KIAA1549: variants seen among roughly 807,000 people sequenced by gnomAD.
The protein encoded by KIAA1549 is UPF0606 protein KIAA1549.
KIAA1549 carries 70 observed loss-of-function variants against 156.4 expected under a neutral mutation model. The ratio of observed to expected loss-of-function variants is 0.45; its 90% CI spans 0.37 to 0.55. The LOEUF is 0.55. KIAA1549 is among the 20% of genes least tolerant of loss of function. The probability of loss-of-function intolerance (pLI) is 0.00; values close to 1 mark genes in which losing one functional copy is unlikely to be tolerated. For missense variants in KIAA1549, 2,428 were observed against 2,540.9 expected (o/e 0.96, Z 0.96); for synonymous variants, 1,103 against 1,066.4 (o/e 1.03, Z -0.67).
intron 17 of KIAA1549, among the ~76,000 whole-genome samples, chr7:138,849,066 C>T (rs539424412): frequency 9.0e-4 from 137 of 152,238 alleles, no homozygotes; most frequent in African/African-American, 3.2e-3. Context: ...TTCATAAAAT[C>T]TCCTTTTTAA....
At chr7:138,844,148 GCTCCGCCTCTCT>G (rs768270884) in intron 18 of KIAA1549, among the ~76,000 whole-genome samples, 157 bp downstream of exon 18, 217 of 152,290 alleles carry the variant, frequency 1.4e-3, no homozygotes, top group Non-Finnish European at 2.5e-3. Context: ...AGCTTTGGGA[GCTCCGCCTCTCT>G]CTCCGCCTCC....
In KIAA1549 at chr7:138,840,382, C is replaced by T. The variant is rs980516440; in HGVS notation, c.5453-104G>A. 10 of 993,558 alleles carry T rather than the reference C, an allele frequency of 1.0e-5. No homozygotes were observed. The South Asian group carries it at 1.6e-4, about 15-fold the overall frequency. 61.5% of individuals were successfully genotyped at this position (993,558 alleles called of 1,614,324 possible). A position where few individuals can be genotyped will look rare whatever the true frequency, so the allele number is the denominator to read the frequency against. On this transcript the variant is annotated intron_variant, in intron 18 of 19. Coordinates refer to ENST00000422774, the MANE Select transcript of KIAA1549 (RefSeq NM_001164665.2). ...ACTGTCAACTCTGACCACTACACTC[C>T]TTAATGACAAGGGATCAGGACTTGG...
intron 1 of KIAA1549, among the ~76,000 whole-genome samples, chr7:138,933,692 G>A (rs139624406): frequency 5.9e-5 from 9 of 152,358 alleles, no homozygotes; most frequent in South Asian, 2.1e-4. Context: ...TAGACCAGGC[G>A]CAGTGGCTCA....
At chr7:138,925,549 G>C (rs1812687559) in intron 1 of KIAA1549, among the ~76,000 whole-genome samples, 1 of 152,140 alleles carries the variant, frequency 6.6e-6, no homozygotes, top group African/African-American at 2.4e-5. Context: ...CCAGGTGCTA[G>C]TGGCTCACCG....
At chr7:138,914,502 G>A (rs866728266) in intron 2 of KIAA1549, among the ~76,000 whole-genome samples, 2 of 152,236 alleles carry the variant, frequency 1.3e-5, no homozygotes, top group Middle Eastern at 3.4e-3. Flanking sequence ...GAGTGGCTCC[G>A]CTTCATCATC....
intron 1 of KIAA1549, among the ~76,000 whole-genome samples, chr7:138,977,765 T>C (rs576659022): frequency 1.3e-5 from 2 of 152,002 alleles, no homozygotes; most frequent in Non-Finnish European, 2.9e-5. Context: ...AATGGCGCCA[T>C]CTCGGCTCAC....
chr7:138,891,890 C>A lies in KIAA1549; in HGVS notation c.4032+2452G>T, dbSNP rs181449510. 2.0e-5 allele frequency among the ~76,000 whole-genome samples: 3 copies of A among 152,262 alleles called. No individual in the cohort carries two copies. The East Asian group carries it at 5.8e-4, about 29-fold the overall frequency. ...TGGCCACATGACCTTAAAAGAAACA[C>A]GTATGAACTAAAGACATTTGTTTTT... On this transcript the variant is annotated intron_variant, in intron 10 of 19. Transcript: ENST00000422774.
At chr7:138,922,096 G>A (rs932506361) in intron 1 of KIAA1549, among the ~76,000 whole-genome samples, 1 of 152,180 alleles carries the variant, frequency 6.6e-6, no homozygotes, top group African/African-American at 2.4e-5. Context: ...CCAGAACGGT[G>A]AGACAATCAA....
chr7:138,851,112 T>A (rs1272901665), intron 17 of KIAA1549, among the ~76,000 whole-genome samples: 17 of 152,200 alleles, frequency 1.1e-4, no homozygotes, highest in Admixed American at 6.5e-4. Flanking sequence ...ATACATTTTT[T>A]AAAAATCAAA....
At chr7:138,922,897 T>C (rs748587122) in intron 1 of KIAA1549, among the ~76,000 whole-genome samples, 11 of 151,744 alleles carry the variant, frequency 7.2e-5, no homozygotes, top group Admixed American at 3.9e-4. Flanking sequence ...TTTGCCAAAA[T>C]TAATATGAGA....
chr7:138,937,314 C>G (rs541728264), intron 1 of KIAA1549, among the ~76,000 whole-genome samples: 2 of 152,292 alleles, frequency 1.3e-5, no homozygotes, highest in East Asian at 3.9e-4. Flanking sequence ...GCCCCACCAC[C>G]CTACCCCAGA....
intron 1 of KIAA1549, among the ~76,000 whole-genome samples, chr7:138,941,655 C>T (rs748343139): frequency 3.3e-5 from 5 of 152,162 alleles, no homozygotes; most frequent in Non-Finnish European, 7.3e-5. Context: ...TAATGCCTTC[C>T]GCATAATCAC....
In KIAA1549 at chr7:138,911,215, G is replaced by C; in HGVS notation, c.3076C>G (p.Gln1026Glu). 1 of 1,599,384 alleles carries C rather than the reference G, an allele frequency of 6.3e-7. No individual in the cohort carries two copies. Among genetic ancestry groups the C allele is most frequent in the Non-Finnish European group, 8.5e-7 (1 of 1,172,508 alleles). The change falls in exon 4 of 20, where the codon CAG becomes GAG. Residue 1026 changes from glutamine to glutamate, a missense_variant. Coordinates refer to ENST00000422774, the MANE Select transcript of KIAA1549 (RefSeq NM_001164665.2). ...VLINSKLVRD[Q>E]TPLILSVKPS... The stretch of plus-strand genomic sequence containing the variant: ...TTCACAGACAGGATTAAAGGAGTCT[G>C]GTCACGGACAAGCTTACTGTTTATA...
intron 1 of KIAA1549, among the ~76,000 whole-genome samples, chr7:138,943,031 A>C (rs1813229901): frequency 6.6e-6 from 1 of 152,206 alleles, no homozygotes; most frequent in Non-Finnish European, 1.5e-5. Context: ...TGGGCCTCAA[A>C]CAACCGATGA....
chr7:138,847,789 G>C (rs1435873387), intron 17 of KIAA1549, among the ~76,000 whole-genome samples: 2 of 152,152 alleles, frequency 1.3e-5, no homozygotes, highest in Non-Finnish European at 2.9e-5. Context: ...AGGAATTACT[G>C]GGATTCTGAA....
chr7:138,916,663 G>A, intron 2 of KIAA1549, 85 bp downstream of exon 2: 2 of 1,548,790 alleles, frequency 1.3e-6, no homozygotes, highest in Non-Finnish European at 1.7e-6. Flanking sequence ...TCTTAACCAT[G>A]AAGCTCCAAG....
rs1814537418 is a variant in KIAA1549 at position 138,981,166 on chromosome 7, C to G, written c.104G>C (p.Arg35Pro). Residue 35 changes from arginine to proline, a missense_variant, in exon 1 of 20, where the codon CGC becomes CCC. By Grantham distance (103) the Arg-to-Pro change is moderately radical. This residue lies in a region of KIAA1549 where 893 missense variants were observed against 847.9 expected (regional missense o/e 1.05). Coordinates refer to ENST00000422774, the MANE Select transcript of KIAA1549 (RefSeq NM_001164665.2). This position sits in a 1 kb window ranked among gnomAD's most constrained non-coding sequence, Gnocchi z 4.5. The part of the protein sequence containing the change: ...PGPSGRRPSA[R>P]CARRRRPGLL... ...CCCCGGGCGGCGGCGGCGGGCGCAG[C>G]GGGCGGAAGGCCGTCGGCCGCTCGG... The G allele has an allele frequency of 8.5e-7, 1 of 1,174,432 alleles. No homozygotes were observed. Among genetic ancestry groups the G allele is most frequent in the African/African-American group, 1.6e-5 (1 of 62,042 alleles). The allele number at this position is 1,174,432 out of a possible 1,614,324, so 72.8% of individuals were successfully genotyped here.
intron 5 of KIAA1549, 41 bp from the exon 6 acceptor site, chr7:138,907,143 T>C (rs758443985): frequency 7.1e-7 from 1 of 1,417,072 alleles, no homozygotes; most frequent in South Asian, 1.6e-5. Flanking sequence ...TAATAAAACA[T>C]TCTGCTGAAA....
intron 7 of KIAA1549, among the ~76,000 whole-genome samples, chr7:138,904,365 T>C (rs1213099048): frequency 2.6e-5 from 4 of 152,146 alleles, no homozygotes; most frequent in African/African-American, 9.7e-5. Flanking sequence ...AGACCGCGGA[T>C]GGCACCATGC....
Sources: allele counts gnomAD v4.1 joint callset (sites outside exome capture counted in the v4.1 genomes callset), GRCh38; gene constraint gnomAD v4.1.1; regional missense constraint gnomAD v4.1.1; non-coding constraint Gnocchi (gnomAD v3.1); transcripts MANE v1.5; gene names NCBI Gene and HGNC (gene_info 2026-07-23, HGNC 2026-07-21).